Variants in PSMB3 observed in about 807,000 individuals in gnomAD.
The protein encoded by PSMB3 is proteasome 20S subunit beta 3, also known as proteasome subunit beta type-3.
In PSMB3, 5 loss-of-function variants were observed where a neutral mutation model predicts 23.3. The observed-to-expected ratio is 0.21, with a 90% CI of 0.11 to 0.45. The LOEUF is 0.45. Ranked by LOEUF, PSMB3 falls within the 20% of genes least tolerant of loss-of-function variation. PSMB3 has a pLI of 0.99. For synonymous variants in PSMB3, 85 were observed against 99.8 expected, an observed-to-expected ratio of 0.85 and a Z score of 0.88; for missense variants, 192 against 277.9, an observed-to-expected ratio of 0.69 and a Z score of 2.20.
Position 38,755,959 on chromosome 17 carries a change from A to T in PSMB3, c.265A>T (p.Ser89Cys), listed in dbSNP as rs1426957106. The T allele has an allele frequency of 6.2e-7, 1 of 1,613,966 alleles. No individual in the cohort carries two copies. The highest frequency in any genetic ancestry group is 8.5e-7 in the Non-Finnish European group (1 of 1,180,010). Residue 89 changes from serine (S) to cysteine (C), a missense_variant, in exon 3 of 6, where the codon AGC (serine) becomes TGC (cysteine). Physicochemically the swap from Ser to Cys is moderately radical, Grantham distance 112. Coordinates refer to ENST00000619426, the MANE Select transcript of PSMB3 (RefSeq NM_002795.4). The part of the protein sequence containing the change: ...GRQIKPYTLM[S>C]MVANLLYEKR... ...GCAGATCAAACCTTATACCCTCATG[A>T]GCATGGTGGCCAACCTCTTGTATGA...
chr17:38,753,497 T>A (rs1412857804), intron 2 of PSMB3, among the ~76,000 whole-genome samples, 163 bp downstream of exon 2: 1 of 146,434 alleles, frequency 6.8e-6, no homozygotes, highest in African/African-American at 2.5e-5. Flanking sequence ...TTTTTTTTTT[T>A]AGACAGGGAC....
rs1472139391 is a variant in PSMB3 at position 38,752,802 on chromosome 17, C to CG, written c.-24dup. The CG allele has an allele frequency of 1.2e-6, 2 of 1,613,976 alleles. No individual in the cohort carries two copies. The highest frequency in any genetic ancestry group is 3.3e-5 in the Admixed American group (2 of 60,010). On this transcript the variant is annotated 5_prime_UTR_variant, in exon 1 of 6. Transcript: ENST00000619426. The surrounding 1 kb of genome is among the most constrained non-coding windows in gnomAD (Gnocchi z 5.5). ...GGTTTACTGGAATTGCTCTGGCGAT[C>CG]GAGGGATCCTAGTACACCGCAATCA...
rs1193285847 is a variant in PSMB3, at chr17:38,753,315, G to T, written c.169G>T (p.Ala57Ser). ...DRLYIGLAGL[A>S]TDVQTVAQRL... ...GCTGTACATCGGTCTGGCCGGGCTC[G>T]CCACTGACGTCCAGACAGTGTAAGT... is the stretch of plus-strand genomic sequence containing the variant. The change falls in exon 2 of 6, where the codon GCC (alanine) becomes TCC (serine). Residue 57 changes from alanine to serine, a missense_variant. Physicochemically the swap from Ala to Ser is moderately conservative, Grantham distance 99. Coordinates refer to ENST00000619426, the MANE Select transcript of PSMB3 (RefSeq NM_002795.4). The T allele has an allele frequency of 6.2e-7, 1 of 1,613,766 alleles. No individual in the cohort carries two copies. Among genetic ancestry groups the T allele is most frequent in the Non-Finnish European group, 8.5e-7 (1 of 1,179,914 alleles).
intron 2 of PSMB3, among the ~76,000 whole-genome samples, chr17:38,754,286 A>G (rs914540154): frequency 1.3e-5 from 2 of 152,122 alleles, no homozygotes; most frequent in Non-Finnish European, 2.9e-5. Flanking sequence ...CCTGGCCAAC[A>G]TGGTGAAACG....
At chr17:38,755,774 TG>T (rs1210355112) in intron 2 of PSMB3, 108 bp from the exon 3 acceptor site, 4 of 903,572 alleles carry the variant, frequency 4.4e-6, no homozygotes, top group Non-Finnish European at 6.9e-6. Context: ...CAGTTTTCCC[TG>T]GGCAGGGACT....
At chr17:38,754,778 T>C (rs1026168291) in intron 2 of PSMB3, among the ~76,000 whole-genome samples, 3 of 152,218 alleles carry the variant, frequency 2.0e-5, no homozygotes, top group Non-Finnish European at 2.9e-5. Context: ...AAGATGAAGC[T>C]CAAGTCATTT....
At chr17:38,759,023 G>A (rs1399522290) in intron 3 of PSMB3, among the ~76,000 whole-genome samples, 1 of 152,168 alleles carries the variant, frequency 6.6e-6, no homozygotes, top group Non-Finnish European at 1.5e-5. Flanking sequence ...TCCAGCCTGG[G>A]CGACAGAGCA....
chr17:38,755,710 G>GTT (rs1457018094), intron 2 of PSMB3, among the ~76,000 whole-genome samples, 173 bp from the exon 3 acceptor site: 1 of 141,608 alleles, frequency 7.1e-6, no homozygotes, highest in East Asian at 2.0e-4. Context: ...GTGTGTGTGT[G>GTT]TGTGTGCTGC....
intron 5 of PSMB3, 106 bp from the exon 6 acceptor site, chr17:38,764,013 C>A: frequency 3.7e-6 from 5 of 1,339,308 alleles, no homozygotes; most frequent in Non-Finnish European, 4.2e-6. Flanking sequence ...TTGTTCTGCT[C>A]CCTTGCCGCA....
rs1445962635 is a variant in PSMB3 at position 38,755,659 on chromosome 17, A to T, written c.189-224A>T. ...TGAGACTCCGTCTAAAAAAAAAAAA[A>T]ATATATATATATATATATATATATG... On this transcript the variant is annotated intron_variant, in intron 2 of 5. Coordinates refer to ENST00000619426, the MANE Select transcript of PSMB3 (RefSeq NM_002795.4). Among the ~76,000 whole-genome samples, 186 of 96,896 alleles carry T rather than the reference A, an allele frequency of 1.9e-3. 2 individuals carry two copies. The highest frequency in any genetic ancestry group is 6.6e-3 in the African/African-American group (134 of 20,228). The allele number at this position is 96,896 out of a possible 152,430, so 63.6% of individuals were successfully genotyped here.
chr17:38,761,201 A>C (rs1372164334), intron 4 of PSMB3, among the ~76,000 whole-genome samples: 1 of 151,950 alleles, frequency 6.6e-6, no homozygotes, highest in Non-Finnish European at 1.5e-5. Flanking sequence ...AAAAAAGTTA[A>C]ATTAGCCGGG....
intron 3 of PSMB3, among the ~76,000 whole-genome samples, chr17:38,758,238 C>T (rs1319699006): frequency 6.6e-6 from 1 of 152,124 alleles, no homozygotes; most frequent in Admixed American, 6.5e-5. Context: ...AGAGGAAGCT[C>T]CCGTCAATAG....
chr17:38,760,425 C>G lies in PSMB3; in HGVS notation c.297-6C>G, dbSNP rs1316848415. 6.2e-7 allele frequency: 1 copy of G among 1,613,188 alleles called. No individual in the cohort carries two copies. Among genetic ancestry groups the G allele is most frequent in the Non-Finnish European group, 8.5e-7 (1 of 1,179,638 alleles). ...TGGTTTCTCTCTCTGATGCTGGCCC[C>G]CACAGGTTTGGCCCTTACTACACTG... On this transcript the variant is annotated splice_region_variant and splice_polypyrimidine_tract_variant and intron_variant, in intron 3 of 5. Transcript: ENST00000619426.
intron 5 of PSMB3, 110 bp downstream of exon 5, chr17:38,762,615 GAA>G: frequency 2.8e-6 from 3 of 1,062,486 alleles, no homozygotes; most frequent in Non-Finnish European, 4.2e-6. Flanking sequence ...TGTGAGATAA[GAA>G]AGGTGCTTTT....
rs2143242978 is a variant in PSMB3 at position 38,760,459 on chromosome 17, A to G, written c.325A>G (p.Ile109Val). 1.2e-6 allele frequency: 2 copies of G among 1,614,196 alleles called. No individual in the cohort carries two copies. The highest frequency in any genetic ancestry group is 2.2e-5 in the East Asian group (1 of 44,886). Residue 109 changes from isoleucine (I) to valine (V), a missense_variant, in exon 4 of 6, where the codon ATT (isoleucine) becomes GTT (valine). Physicochemically the swap from Ile to Val is conservative, Grantham distance 29 (BLOSUM62 3). Coordinates refer to ENST00000619426, the MANE Select transcript of PSMB3 (RefSeq NM_002795.4). Reference protein sequence around the residue: ...RFGPYYTEPVIAGLDPKTFKP... With the variant: ...RFGPYYTEPVVAGLDPKTFKP... ...TGGCCCTTACTACACTGAGCCAGTC[A>G]TTGCCGGGTTGGACCCGAAGACCTT...
rs760273469 is a variant in PSMB3 at position 38,762,543 on chromosome 17, A to C, written c.569+38A>C. On this transcript the variant is annotated intron_variant, in intron 5 of 5. Transcript: ENST00000619426. Reference sequence around the variant, plus strand: ...TGGGAGAAGTCTAGAAGCTCTGCAGACACCCTGCCTCTCTCCCTTCTCCAC... The same window carrying C: ...TGGGAGAAGTCTAGAAGCTCTGCAGCCACCCTGCCTCTCTCCCTTCTCCAC... 1.1e-5 allele frequency: 17 copies of C among 1,557,624 alleles called. No homozygotes were observed. In the South Asian group the frequency reaches 1.9e-4, roughly 17 times the overall value.
chr17:38,756,443 G>A (rs1286961746), intron 3 of PSMB3, among the ~76,000 whole-genome samples: 2 of 152,184 alleles, frequency 1.3e-5, no homozygotes, highest in Non-Finnish European at 2.9e-5. Flanking sequence ...GAAACCCTGT[G>A]GGTGCTTTCT....
chr17:38,754,031 G>A (rs1338605840), intron 2 of PSMB3, among the ~76,000 whole-genome samples: 2 of 152,126 alleles, frequency 1.3e-5, no homozygotes, highest in Non-Finnish European at 2.9e-5. Flanking sequence ...GGAAAAGAAC[G>A]GTGATAGGTT....
intron 3 of PSMB3, among the ~76,000 whole-genome samples, chr17:38,759,530 C>CT (rs371999733): frequency 9.9e-4 from 144 of 145,828 alleles, no homozygotes; most frequent in Middle Eastern, 3.5e-3. Context: ...ACTGATTTTT[C>CT]TTTTTTTTTT....
Sources: allele counts gnomAD v4.1 joint callset (sites outside exome capture counted in the v4.1 genomes callset), GRCh38; gene constraint gnomAD v4.1.1; non-coding constraint Gnocchi (gnomAD v3.1); transcripts MANE v1.5; gene names NCBI Gene and HGNC (gene_info 2026-07-23, HGNC 2026-07-21).